The following TNIP1 variants were observed in gnomAD, a reference collection of about 807,000 sequenced individuals.
The protein encoded by TNIP1 is TNFAIP3 interacting protein 1.
Under a neutral mutation model 86.6 loss-of-function variants are expected in TNIP1, and 22 were observed. The ratio of observed to expected loss-of-function variants is 0.25; its 90% CI spans 0.18 to 0.36. TNIP1 has a LOEUF of 0.36. Among genes scored for constraint, TNIP1 ranks in the 10% least tolerant of loss-of-function variants. The pLI, the probability that TNIP1 is intolerant of heterozygous loss-of-function variation, is 1.00. For synonymous variants in TNIP1, 294 were observed against 313.0 expected (o/e 0.94, Z 0.64); for missense variants, 709 against 820.6 (o/e 0.86, Z 1.66).
chr5:151,034,204 T>TGGAAGGCTGGTACATGGACAC (rs1757347100), intron 15 of TNIP1, among the ~76,000 whole-genome samples: 2 of 117,170 alleles, frequency 1.7e-5, no homozygotes, highest in Non-Finnish European at 3.4e-5. Flanking sequence ...TACATGGGCA[T>TGGAAGGCTGGTACATGGACAC]GGAAGGCTGG....
Position 151,060,394 on chromosome 5 carries a change from C to T in TNIP1, c.359G>A (p.Gly120Asp), listed in dbSNP as rs774107556. 6.2e-7 allele frequency: 1 copy of T among 1,614,120 alleles called. No homozygotes were observed. Residue 120 changes from glycine (G) to aspartate (D), a missense_variant and splice_region_variant, in exon 5 of 18, where the codon GGC becomes GAC. By Grantham distance (94) the Gly-to-Asp change is moderately conservative. Transcript: ENST00000521591. ...PAPVQKPPSS[G>D]TSSEFEVVTP... ...GACCACTTCAAATTCAGAGGAGGTG[C>T]CCTGTGCAGAAAGGAAGTTAGGTGC...
At chr5:151,041,525 A>G (rs1204291807) in intron 11 of TNIP1, among the ~76,000 whole-genome samples, 1 of 152,060 alleles carries the variant, frequency 6.6e-6, no homozygotes, top group African/African-American at 2.4e-5. Flanking sequence ...ACACTGCCAC[A>G]CCCAGTGAAT....
Position 151,048,719 on chromosome 5 carries a change from G to A in TNIP1, c.846+1105C>T, listed in dbSNP as rs113087029. Among the ~76,000 whole-genome samples, 7 of 152,292 alleles carry A rather than the reference G, an allele frequency of 4.6e-5. 2 individuals carry two copies. Among genetic ancestry groups the A allele is most frequent in the African/African-American group, 1.7e-4 (7 of 41,562 alleles). ...GAGGCAGCTCAGAGAACCCAAGGGA[G>A]AACAGCCGAGTCTACAAGTCCCTTC... On this transcript the variant is annotated intron_variant, in intron 8 of 17. Transcript: ENST00000521591.
intron 15 of TNIP1, chr5:151,034,624 ATGGGCATGGAAGGC>A: frequency 3.0e-6 from 1 of 332,286 alleles, no homozygotes; most frequent in Non-Finnish European, 5.6e-6. Context: ...AGGCTGGTAC[ATGGGCATGGAAGGC>A]TGGGCATGGG....
rs189869678 is a variant in TNIP1 at position 151,057,920 on chromosome 5, C to A, written c.436-963G>T. 2.0e-5 allele frequency among the ~76,000 whole-genome samples: 3 copies of A among 152,228 alleles called. No homozygotes were observed. In the East Asian group the frequency reaches 5.8e-4, roughly 29 times the overall value. ...CATTTTACATCAGGGACTTGAGCAT[C>A]CATGGATTTTGGGTATCCTCAGGGA... On this transcript the variant is annotated intron_variant, in intron 5 of 17. Coordinates refer to ENST00000521591, the MANE Select transcript of TNIP1 (RefSeq NM_006058.5).
intron 6 of TNIP1, among the ~76,000 whole-genome samples, chr5:151,056,225 T>C (rs1416318238): frequency 6.6e-6 from 1 of 152,144 alleles, no homozygotes; most frequent in African/African-American, 2.4e-5. Context: ...AGGAAATCTG[T>C]CCATTCCCCA....
At chr5:151,031,516 T>C (rs1425553744) in intron 17 of TNIP1, among the ~76,000 whole-genome samples, 1 of 152,232 alleles carries the variant, frequency 6.6e-6, no homozygotes, top group Non-Finnish European at 1.5e-5. Context: ...CAGCCTTTCA[T>C]GGTGGACACC....
rs1288026225 is a variant in TNIP1, at chr5:151,052,261, T to G, written c.628-2A>C. The G allele has an allele frequency of 6.2e-7, 1 of 1,613,084 alleles. No individual in the cohort carries two copies. Among genetic ancestry groups the G allele is most frequent in the Non-Finnish European group, 8.5e-7 (1 of 1,179,606 alleles). On this transcript the variant is annotated splice_acceptor_variant, in intron 6 of 17. Transcript: ENST00000521591. LOFTEE classifies it high-confidence loss of function. ...CTTCCGAAGCTGCTCACACAGGGTC[T>G]GTGGGGCAGGGGAACAGACAGGGTG... is the stretch of plus-strand genomic sequence containing the variant.
intron 6 of TNIP1, among the ~76,000 whole-genome samples, chr5:151,053,101 CTTTTTTTTTTTTTTTTT>C (rs11390788): frequency 1.2e-5 from 1 of 85,230 alleles, no homozygotes; most frequent in South Asian, 5.4e-4. Flanking sequence ...AACTGTTTCT[CTTTTTTTTTTTTTTTTT>C]TTTTTTTTTA....
chr5:151,081,510 A>G (rs115564864), upstream of TNIP1, among the ~76,000 whole-genome samples: 911 of 152,298 alleles, frequency 6.0e-3, 11 homozygotes, highest in African/African-American at 0.021. Flanking sequence ...TTCTTAACAA[A>G]GCTATAGAAA....
chr5:151,034,867 C>T (rs1382443076), intron 15 of TNIP1, 135 bp downstream of exon 15: 16 of 912,120 alleles, frequency 1.8e-5, no homozygotes, highest in Middle Eastern at 2.9e-4. Flanking sequence ...TGCTCTAAGG[C>T]TTTTCCTGTA....
At chr5:151,071,923 G>T (rs756640638) in intron 1 of TNIP1, among the ~76,000 whole-genome samples, 1 of 152,224 alleles carries the variant, frequency 6.6e-6, no homozygotes, top group Non-Finnish European at 1.5e-5. Flanking sequence ...TGGAGAGAGG[G>T]TGACAGTTCG....
At chr5:151,057,494 G>A (rs1760825458) in intron 5 of TNIP1, among the ~76,000 whole-genome samples, 1 of 152,226 alleles carries the variant, frequency 6.6e-6, no homozygotes, top group African/African-American at 2.4e-5. Context: ...GGGAGGCTGA[G>A]CGGGCAGATC....
chr5:151,066,382 G>A (rs998289190), intron 1 of TNIP1, among the ~76,000 whole-genome samples: 14 of 152,146 alleles, frequency 9.2e-5, no homozygotes, highest in Non-Finnish European at 1.6e-4. Flanking sequence ...CCTTCACTGG[G>A]GACCTCAGAA....
intron 1 of TNIP1, among the ~76,000 whole-genome samples, chr5:151,068,250 G>A (rs1221295819): frequency 6.6e-6 from 1 of 152,192 alleles, no homozygotes; most frequent in Non-Finnish European, 1.5e-5. Context: ...TCCAAGTTCT[G>A]CTGACCTCAT....
chr5:151,076,535 C>T (rs1390528714), intron 1 of TNIP1, among the ~76,000 whole-genome samples: 2 of 152,152 alleles, frequency 1.3e-5, no homozygotes, highest in Admixed American at 6.5e-5. Flanking sequence ...AAACCAAAGT[C>T]GGCAAAGGCG....
intron 1 of TNIP1, among the ~76,000 whole-genome samples, chr5:151,069,514 T>C (rs970305084): frequency 3.9e-5 from 6 of 152,202 alleles, no homozygotes; most frequent in African/African-American, 1.4e-4. Flanking sequence ...CCCAATTTAA[T>C]GCCTTTGGTC....
chr5:151,059,826 A>AGTGTGTGT (rs1561513075), intron 5 of TNIP1, among the ~76,000 whole-genome samples: 1 of 72,158 alleles, frequency 1.4e-5, no homozygotes, highest in Non-Finnish European at 2.5e-5. Flanking sequence ...AGAGAGAGAG[A>AGTGTGTGT]GAGTGTGTGT....
upstream of TNIP1, among the ~76,000 whole-genome samples, chr5:151,081,242 G>A (rs565479361): frequency 9.1e-4 from 138 of 152,188 alleles, no homozygotes; most frequent in African/African-American, 3.0e-3. Flanking sequence ...GACTTCCCTG[G>A]GGCCACCGTC....
Sources: gnomAD v4.1 joint callset for allele counts (sites outside exome capture counted in the v4.1 genomes callset) on GRCh38, gnomAD v4.1.1 for gene constraint, MANE v1.5 for transcripts, NCBI Gene and HGNC (gene_info 2026-07-23, HGNC 2026-07-21) for gene names.